The following RAD51B variants were observed in gnomAD, a reference collection of about 807,000 sequenced individuals.
RAD51B encodes the protein RAD51 paralog B, also known as DNA repair protein RAD51 homolog 2.
RAD51B carries 38 observed loss-of-function variants against 42.2 expected under a neutral mutation model. The observed-to-expected ratio is 0.90, with a 90% CI of 0.70 to 1.18. The LOEUF (loss-of-function observed/expected upper bound fraction) is 1.18. RAD51B is among the 50% of genes most tolerant of loss of function. The pLI is 0.00. For synonymous variants in RAD51B, 154 were observed against 145.2 expected (o/e 1.06, Z -0.43); for missense variants, 373 against 400.7 (o/e 0.93, Z 0.59).
At chr14:68,442,721 G>A (rs1338259535) in intron 9 of RAD51B, among the ~76,000 whole-genome samples, 1 of 152,014 alleles carries the variant, frequency 6.6e-6, no homozygotes, top group Non-Finnish European at 1.5e-5. Context: ...TTACAGGCAT[G>A]AGCCACTACA....
At chr14:68,485,984 T>C (rs1250069790) in intron 10 of RAD51B, among the ~76,000 whole-genome samples, 1 of 152,250 alleles carries the variant, frequency 6.6e-6, no homozygotes, top group Non-Finnish European at 1.5e-5. Flanking sequence ...ATTGTGGTAG[T>C]ATGCTTTACC....
chr14:67,875,866 A>G (rs2042708478), intron 5 of RAD51B, among the ~76,000 whole-genome samples: 1 of 152,234 alleles, frequency 6.6e-6, no homozygotes, highest in Non-Finnish European at 1.5e-5. Flanking sequence ...TGTGGTCTTA[A>G]GACCATTGAC....
chr14:68,178,234 A>G (rs1205120428), intron 7 of RAD51B, among the ~76,000 whole-genome samples: 1 of 152,202 alleles, frequency 6.6e-6, no homozygotes, highest in East Asian at 1.9e-4. Context: ...AGAATGCTAT[A>G]TAAAATTATT....
At chr14:68,164,810 G>A (rs1480966657) in intron 7 of RAD51B, among the ~76,000 whole-genome samples, 1 of 152,154 alleles carries the variant, frequency 6.6e-6, no homozygotes, top group Admixed American at 6.5e-5. Flanking sequence ...CCAGATGTGG[G>A]TAGTTAATTA....
At chr14:68,618,713 C>T (rs1433287255) in intron 10 of RAD51B, among the ~76,000 whole-genome samples, 1 of 152,248 alleles carries the variant, frequency 6.6e-6, no homozygotes. Context: ...ACTTTACTGA[C>T]TCTAGCCTCA....
intron 8 of RAD51B, among the ~76,000 whole-genome samples, chr14:68,402,617 G>T (rs2084140755): frequency 1.3e-5 from 2 of 152,166 alleles, no homozygotes; most frequent in South Asian, 4.1e-4. Flanking sequence ...CTCTAGTCTG[G>T]AGAGAAATCT....
chr14:68,177,581 A>C (rs2078985291), intron 7 of RAD51B, among the ~76,000 whole-genome samples: 1 of 152,164 alleles, frequency 6.6e-6, no homozygotes, highest in Non-Finnish European at 1.5e-5. Flanking sequence ...AATATATAAA[A>C]GCAACTCTAA....
chr14:68,021,805 TA>T (rs1476164596), intron 7 of RAD51B, among the ~76,000 whole-genome samples: 1 of 152,192 alleles, frequency 6.6e-6, no homozygotes, highest in African/African-American at 2.4e-5. Context: ...GCATTATGTC[TA>T]AAAAATGTAC....
At chr14:68,409,482 A>G (rs1039704145) in intron 8 of RAD51B, among the ~76,000 whole-genome samples, 5 of 152,234 alleles carry the variant, frequency 3.3e-5, no homozygotes, top group African/African-American at 1.2e-4. Flanking sequence ...CCCACTCCCT[A>G]AGGTCCACCC....
At chr14:68,195,951 G>T (rs1392056568) in intron 7 of RAD51B, among the ~76,000 whole-genome samples, 3 of 150,522 alleles carry the variant, frequency 2.0e-5, no homozygotes, top group South Asian at 4.2e-4. Flanking sequence ...AGGTGCAATG[G>T]CTCATGCCTG....
At chr14:68,345,163 G>C (rs985928031) in intron 8 of RAD51B, among the ~76,000 whole-genome samples, 2 of 152,100 alleles carry the variant, frequency 1.3e-5, no homozygotes, top group African/African-American at 4.8e-5. Context: ...TGAAACTTTG[G>C]ACTTCAGACT....
intron 11 of RAD51B, among the ~76,000 whole-genome samples, chr14:68,668,275 G>C (rs986552612): frequency 6.6e-6 from 1 of 152,198 alleles, no homozygotes; most frequent in African/African-American, 2.4e-5. Context: ...AGCAAGTTCT[G>C]TCAGTCCTCA....
At chr14:68,474,249 C>A (rs577605259) in intron 10 of RAD51B, among the ~76,000 whole-genome samples, 15 of 152,190 alleles carry the variant, frequency 9.9e-5, no homozygotes, top group African/African-American at 3.6e-4. Context: ...TTTACTATAT[C>A]TTCCCAAATT....
intron 5 of RAD51B, among the ~76,000 whole-genome samples, chr14:67,881,384 C>G (rs545426585): frequency 1.3e-5 from 2 of 152,314 alleles, no homozygotes; most frequent in South Asian, 4.1e-4. Flanking sequence ...AGTGTTCAGT[C>G]TGATACTTTC....
intron 10 of RAD51B, among the ~76,000 whole-genome samples, chr14:68,607,637 T>C (rs918911189): frequency 6.8e-5 from 10 of 146,822 alleles, no homozygotes; most frequent in African/African-American, 2.6e-4. Flanking sequence ...CCTGGATTTA[T>C]TGCAAATTCC....
At chr14:68,493,141 CT>C (rs1397895063) in intron 10 of RAD51B, among the ~76,000 whole-genome samples, 1 of 152,134 alleles carries the variant, frequency 6.6e-6, no homozygotes, top group African/African-American at 2.4e-5. Context: ...GAGGGGTCCC[CT>C]GCTACCTTTT....
intron 10 of RAD51B, among the ~76,000 whole-genome samples, chr14:68,603,968 A>G (rs1891332394): frequency 6.6e-6 from 1 of 152,186 alleles, no homozygotes; most frequent in Non-Finnish European, 1.5e-5. Context: ...CTCTAGCCCA[A>G]ATGAAACAGA....
At chr14:68,625,102 A>G (rs1892046766) in intron 10 of RAD51B, among the ~76,000 whole-genome samples, 1 of 152,176 alleles carries the variant, frequency 6.6e-6, no homozygotes, top group Non-Finnish European at 1.5e-5. Flanking sequence ...TGGGACCTGG[A>G]CTAGTCCCAG....
At chr14:68,674,146 A>G (rs1893252301) in intron 11 of RAD51B, among the ~76,000 whole-genome samples, 1 of 151,726 alleles carries the variant, frequency 6.6e-6, no homozygotes, top group South Asian at 2.1e-4. Context: ...CATATACAAT[A>G]CTGTACACAC....
Sources: allele counts gnomAD v4.1 joint callset (sites outside exome capture counted in the v4.1 genomes callset), GRCh38; gene constraint gnomAD v4.1.1; transcripts MANE v1.5; gene names NCBI Gene and HGNC (gene_info 2026-07-23, HGNC 2026-07-21).